The following WDPCP variants were observed in gnomAD, a reference collection of about 807,000 sequenced individuals.
The protein encoded by WDPCP is WD repeat-containing and planar cell polarity effector protein fritz homolog.
WDPCP carries 71 observed loss-of-function variants against 93.1 expected under a neutral mutation model. The observed-to-expected ratio is 0.76, with a 90% CI of 0.63 to 0.93. The LOEUF (loss-of-function observed/expected upper bound fraction) is 0.93. Among genes scored for constraint, WDPCP ranks in the 40% least tolerant of loss-of-function variants. The pLI, the probability that WDPCP is intolerant of heterozygous loss-of-function variation, is 0.00. For missense variants in WDPCP, 844 were observed against 887.4 expected, an observed-to-expected ratio of 0.95 and a Z score of 0.62; for synonymous variants, 315 against 315.0, an observed-to-expected ratio of 1.00 and a Z score of 0.00.
intron 2 of WDPCP, among the ~76,000 whole-genome samples, chr2:63,813,465 G>T (rs1291510412): frequency 5.3e-5 from 8 of 152,164 alleles, no homozygotes; most frequent in South Asian, 2.1e-4. Context: ...ACAGCAAGCT[G>T]CCCTTTCAGT....
chr2:63,433,653 A>G (rs1696925571), intron 9 of WDPCP, 92 bp downstream of exon 9: 1 of 1,271,000 alleles, frequency 7.9e-7, no homozygotes, highest in African/African-American at 1.5e-5. Context: ...AATTATAGGT[A>G]AAAAATATTC....
At chr2:63,832,125 T>G (rs190139934), upstream of WDPCP, among the ~76,000 whole-genome samples, 85 of 152,362 alleles carry the variant, frequency 5.6e-4, no homozygotes, top group African/African-American at 2.0e-3. Flanking sequence ...TGTGGCCAGT[T>G]TGACTCATTA....
At chr2:63,663,945 A>C (rs1252875123) in intron 2 of WDPCP, among the ~76,000 whole-genome samples, 1 of 152,130 alleles carries the variant, frequency 6.6e-6, no homozygotes, top group African/African-American at 2.4e-5. Flanking sequence ...ATCAACAACC[A>C]CCGCACCTTT....
At chr2:63,161,306 C>T (rs745317528) in intron 15 of WDPCP, among the ~76,000 whole-genome samples, 14 of 152,284 alleles carry the variant, frequency 9.2e-5, no homozygotes, top group Admixed American at 2.0e-4. Context: ...ATATAAATGG[C>T]GCCATATTCC....
intron 2 of WDPCP, among the ~76,000 whole-genome samples, chr2:63,707,049 T>C (rs1669168962): frequency 6.6e-6 from 1 of 152,220 alleles, no homozygotes; most frequent in African/African-American, 2.4e-5. Flanking sequence ...TCTTTCTGGC[T>C]GCCTTTAACT....
At chr2:63,367,066 T>A (rs566241665) in intron 12 of WDPCP, among the ~76,000 whole-genome samples, 168 of 151,146 alleles carry the variant, frequency 1.1e-3, no homozygotes, top group African/African-American at 3.8e-3. Flanking sequence ...ATATATTCAT[T>A]TATATATATG....
intron 6 of WDPCP, among the ~76,000 whole-genome samples, chr2:63,444,811 CTTCT>C (rs1457846111): frequency 1.3e-5 from 2 of 152,190 alleles, no homozygotes; most frequent in Admixed American, 6.5e-5. Flanking sequence ...AACTCTTCTT[CTTCT>C]TTGACACCCC....
chr2:63,143,548 C>T (rs1671252104), intron 17 of WDPCP, among the ~76,000 whole-genome samples: 1 of 152,044 alleles, frequency 6.6e-6, no homozygotes, highest in African/African-American at 2.4e-5. Context: ...GTGATTTATG[C>T]TTTAAAGAGG....
At chr2:63,478,440 CACAAA>C (rs1392936191) in intron 6 of WDPCP, among the ~76,000 whole-genome samples, 1 of 152,008 alleles carries the variant, frequency 6.6e-6, no homozygotes, top group Non-Finnish European at 1.5e-5. Flanking sequence ...TAGAATAGGC[CACAAA>C]ACAAGTCTCA....
intron 1 of WDPCP, among the ~76,000 whole-genome samples, chr2:63,558,909 G>A (rs533888777): frequency 2.6e-5 from 4 of 152,272 alleles, no homozygotes; most frequent in Admixed American, 2.6e-4. Context: ...TGAAAAGGAG[G>A]AACTCCTCCC....
chr2:63,162,863 C>T (rs17027650), intron 15 of WDPCP, among the ~76,000 whole-genome samples: 12,311 of 152,134 alleles, frequency 0.081, 659 homozygotes, highest in African/African-American at 0.15. Flanking sequence ...AGGCTTTATA[C>T]ATGAAATTAT....
At chr2:63,223,718 T>C (rs2104501323) in intron 14 of WDPCP, among the ~76,000 whole-genome samples, 1 of 152,278 alleles carries the variant, frequency 6.6e-6, no homozygotes, top group African/African-American at 2.4e-5. Context: ...GTGTGTATGC[T>C]ATTAGGCGGG....
chr2:63,571,646 A>G (rs775492995), intron 1 of WDPCP: 5 of 470,788 alleles, frequency 1.1e-5, no homozygotes, highest in South Asian at 1.6e-5. Context: ...GATTAGTTCA[A>G]TATGACCTAC....
chr2:63,178,059 A>G (rs953931295), intron 14 of WDPCP, among the ~76,000 whole-genome samples: 1 of 152,182 alleles, frequency 6.6e-6, no homozygotes, highest in Non-Finnish European at 1.5e-5. Context: ...CTTACTTTAC[A>G]TCAGTAAATT....
At chr2:63,566,133 T>A (rs1045410133) in intron 1 of WDPCP, among the ~76,000 whole-genome samples, 3 of 152,148 alleles carry the variant, frequency 2.0e-5, no homozygotes, top group African/African-American at 7.2e-5. Flanking sequence ...AATGTACCAC[T>A]CTGATCTGTT....
Position 63,484,944 on chromosome 2 carries a change from T to G in WDPCP, c.297A>C (p.Lys99Asn), listed in dbSNP as rs772019517. The G allele has an allele frequency of 1.2e-6, 2 of 1,612,500 alleles. No homozygotes were observed. Among genetic ancestry groups the G allele is most frequent in the Non-Finnish European group, 1.7e-6 (2 of 1,179,056 alleles). The change falls in exon 5 of 18, where the codon AAA becomes AAC. Residue 99 changes from lysine to asparagine, a missense_variant. Transcript: ENST00000272321. Reference sequence around the variant, plus strand: ...CCAACTCTTTGAGCGAGTCTCGGAGTTTTTCTGGGCGTCTGTTTTTGAGCG... The same window carrying G: ...CCAACTCTTTGAGCGAGTCTCGGAGGTTTTCTGGGCGTCTGTTTTTGAGCG... ...PWTLKNRRPE[K>N]LRDSLKELEE...
chr2:63,196,640 A>G (rs1196429070), intron 14 of WDPCP, among the ~76,000 whole-genome samples: 1 of 152,098 alleles, frequency 6.6e-6, no homozygotes, highest in Non-Finnish European at 1.5e-5. Context: ...ATAACAAGAG[A>G]AGCAGCTTCT....
intron 2 of WDPCP, among the ~76,000 whole-genome samples, chr2:63,725,167 CGATA>C (rs1438250431): frequency 2.0e-5 from 3 of 152,038 alleles, no homozygotes; most frequent in Non-Finnish European, 4.4e-5. Context: ...GCACAGTACT[CGATA>C]GATAGTTTTT....
intron 2 of WDPCP, among the ~76,000 whole-genome samples, chr2:63,795,658 T>C (rs1670604709): frequency 6.6e-6 from 1 of 152,112 alleles, no homozygotes; most frequent in African/African-American, 2.4e-5. Flanking sequence ...GGCTATTTCT[T>C]AGGGCTTTCA....
Sources: allele counts gnomAD v4.1 joint callset (sites outside exome capture counted in the v4.1 genomes callset), GRCh38; gene constraint gnomAD v4.1.1; transcripts MANE v1.5; gene names NCBI Gene and HGNC (gene_info 2026-07-23, HGNC 2026-07-21).